NFATC2IP: variants seen among roughly 807,000 people sequenced by gnomAD.
NFATC2IP encodes the protein nuclear factor of activated T cells 2 interacting protein.
In NFATC2IP, 25 loss-of-function variants were observed where a neutral mutation model predicts 40.2. The ratio of observed to expected loss-of-function variants is 0.62; its 90% confidence interval spans 0.45 to 0.87. The LOEUF (loss-of-function observed/expected upper bound fraction) is 0.87. NFATC2IP is among the 40% of genes least tolerant of loss of function. The pLI is 0.00. For synonymous variants in NFATC2IP, 241 were observed against 236.3 expected, an observed-to-expected ratio of 1.02 and a Z score of -0.18; for missense variants, 553 against 555.6, an observed-to-expected ratio of 1.00 and a Z score of 0.05.
At chr16:28,959,272 C>T (rs571391083) in intron 7 of NFATC2IP, among the ~76,000 whole-genome samples, 172 bp downstream of exon 7, 6 of 152,298 alleles carry the variant, frequency 3.9e-5, no homozygotes, top group Admixed American at 1.3e-4. Context: ...CATCGTTCAA[C>T]TTCCCTCCCC....
chr16:28,953,913 G>T (rs1964991613), intron 2 of NFATC2IP, among the ~76,000 whole-genome samples: 1 of 140,928 alleles, frequency 7.1e-6, no homozygotes, highest in Non-Finnish European at 1.6e-5. Context: ...GTAGGACCTG[G>T]TCTCAAAAAA....
At chr16:28,959,195 T>C in intron 7 of NFATC2IP, 95 bp downstream of exon 7, 2 of 775,572 alleles carry the variant, frequency 2.6e-6, no homozygotes, top group South Asian at 3.2e-5. Context: ...TCCCCTAATC[T>C]TGACTTGCAG....
chr16:28,954,756 T>A (rs774856157), intron 3 of NFATC2IP, 74 bp downstream of exon 3: 1 of 850,322 alleles, frequency 1.2e-6, no homozygotes, highest in Non-Finnish European at 1.9e-6. Context: ...CAGGCAGGAC[T>A]CTTGGGTGAC....
rs761108195 is a variant in NFATC2IP, at chr16:28,964,681, T to C, written c.*818T>C. 2 of 152,360 alleles carry C rather than the reference T, an allele frequency of 1.3e-5. No individual in the cohort carries two copies. Among genetic ancestry groups the C allele is most frequent in the Non-Finnish European group, 2.9e-5 (2 of 68,048 alleles). 9.4% of individuals were successfully genotyped at this position (152,360 alleles called of 1,614,324 possible). On this transcript the variant is annotated 3_prime_UTR_variant, in exon 8 of 8. Transcript: ENST00000320805. ...TGTATTTGTAAAATACCACGTTTCATGTGTGAATATGTGCTTTTACTGTAC... is the reference window on the plus strand; with the variant it reads ...TGTATTTGTAAAATACCACGTTTCACGTGTGAATATGTGCTTTTACTGTAC...
rs1596728613 is a variant in NFATC2IP at position 28,956,033 on chromosome 16, C to T, written c.634C>T (p.His212Tyr). 1.2e-6 allele frequency: 2 copies of T among 1,614,170 alleles called. No individual in the cohort carries two copies. Among genetic ancestry groups the T allele is most frequent in the Non-Finnish European group, 1.7e-6 (2 of 1,180,026 alleles). Residue 212 changes from histidine to tyrosine, a missense_variant, in exon 4 of 8, where the codon CAT becomes TAT. His to Tyr is a moderately conservative substitution (Grantham distance 83). Transcript: ENST00000320805. ...PPSPRTKSRT[H>Y]TRALKKLSEV... ...TTCACCAAGGACCAAAAGCAGAACG[C>T]ATACTCGGGCACTCAAGAAGTTAAG...
intron 7 of NFATC2IP, among the ~76,000 whole-genome samples, chr16:28,959,563 G>C: frequency 6.8e-6 from 1 of 146,112 alleles, no homozygotes; most frequent in Non-Finnish European, 1.5e-5. Flanking sequence ...AAGCAACTTG[G>C]TGCAGTCATT....
chr16:28,951,294 G>T lies in NFATC2IP; in HGVS notation c.283G>T (p.Glu95Ter). ...TAACAGCAACAGTGACAGCGAAGGG[G>T]AGGACAGGCGGCCCGCAGGACCCCC... Reference protein sequence around the residue: ...RDNSNSDSEGEDRRPAGPPRE... With the variant: ...RDNSNSDSEG Residue 95 changes from glutamate to a stop codon, truncating the protein, a stop_gained, in exon 1 of 8, where the codon GAG becomes TAG. Transcript: ENST00000320805. LOFTEE classifies it high-confidence loss of function. The T allele has an allele frequency of 7.0e-7, 1 of 1,432,648 alleles. No individual in the cohort carries two copies. Among genetic ancestry groups the T allele is most frequent in the Admixed American group, 2.8e-5 (1 of 35,236 alleles). The allele number at this position is 1,432,648 out of a possible 1,614,324, so 88.7% of individuals were successfully genotyped here.
intron 5 of NFATC2IP, among the ~76,000 whole-genome samples, chr16:28,958,202 T>C (rs1319335955): frequency 2.0e-5 from 3 of 151,534 alleles, no homozygotes; most frequent in Non-Finnish European, 4.4e-5. Context: ...GTTATCCCTG[T>C]AGTTTGGGAG....
At position 28,951,084 on chromosome 16, in the gene NFATC2IP, T is replaced by C; in HGVS notation, c.73T>C (p.Trp25Arg). Residue 25 changes from tryptophan (W) to arginine (R), a missense_variant, in exon 1 of 8, where the codon TGG (tryptophan) becomes CGG (arginine). Trp to Arg is a moderately radical substitution (Grantham distance 101). Transcript: ENST00000320805. ...TGCCGGCCGAGGGGGTCGGGGCGGCTGGGGCGGTCGGGGCCGGCGTCCTCG... is the reference window on the plus strand; with the variant it reads ...TGCCGGCCGAGGGGGTCGGGGCGGCCGGGGCGGTCGGGGCCGGCGTCCTCG... ...SGAGRGGRGGWGGRGRRPRAQ... is the reference protein window; with the variant it reads ...SGAGRGGRGGRGGRGRRPRAQ... 1 of 1,540,732 alleles carries C rather than the reference T, an allele frequency of 6.5e-7. No individual in the cohort carries two copies. Among genetic ancestry groups the C allele is most frequent in the African/African-American group, 1.4e-5 (1 of 71,870 alleles).
intron 7 of NFATC2IP, among the ~76,000 whole-genome samples, chr16:28,963,373 A>G (rs1028426788): frequency 6.6e-6 from 1 of 152,104 alleles, no homozygotes; most frequent in African/African-American, 2.4e-5. Flanking sequence ...TCTCTTAGTC[A>G]TTGGTACACA....
At chr16:28,952,934 C>T (rs1964983400) in intron 2 of NFATC2IP, among the ~76,000 whole-genome samples, 1 of 151,766 alleles carries the variant, frequency 6.6e-6, no homozygotes, top group Non-Finnish European at 1.5e-5. Context: ...TGGGGTTTCA[C>T]CATGTTGGCC....
At chr16:28,958,650 G>A in intron 5 of NFATC2IP, 67 bp from the exon 6 acceptor site, 2 of 1,351,004 alleles carry the variant, frequency 1.5e-6, no homozygotes. Flanking sequence ...TTGTGTTTGG[G>A]TGGTGTGGCT....
chr16:28,951,030 A>G lies in NFATC2IP; in HGVS notation c.19A>G (p.Lys7Glu). The change falls in exon 1 of 8, where the codon AAG becomes GAG. Residue 7 changes from lysine to glutamate, a missense_variant. By Grantham distance (56) the Lys-to-Glu change is moderately conservative (BLOSUM62 1). Transcript: ENST00000320805. Reference sequence around the variant, plus strand: ...GTGTGCCATGGCGGAGCCTGTGGGGAAGCGGGGCCGCTGGTCCGGAGGTAG... The same window carrying G: ...GTGTGCCATGGCGGAGCCTGTGGGGGAGCGGGGCCGCTGGTCCGGAGGTAG... MAEPVG[K>E]RGRWSGGSGA... 2 of 1,525,648 alleles carry G rather than the reference A, an allele frequency of 1.3e-6. No individual in the cohort carries two copies. The highest frequency in any genetic ancestry group is 1.8e-6 in the Non-Finnish European group (2 of 1,138,910). 94.5% of individuals were successfully genotyped at this position (1,525,648 alleles called of 1,614,324 possible).
intron 7 of NFATC2IP, among the ~76,000 whole-genome samples, chr16:28,960,126 C>G (rs530002419): frequency 6.6e-6 from 1 of 152,082 alleles, no homozygotes; most frequent in African/African-American, 2.4e-5. Context: ...CTCCATGTGT[C>G]TCTGTCTGTG....
chr16:28,963,894 G>A lies in NFATC2IP; in HGVS notation c.*31G>A. 1 of 1,607,698 alleles carries A rather than the reference G, an allele frequency of 6.2e-7. No homozygotes were observed. The highest frequency in any genetic ancestry group is 8.5e-7 in the Non-Finnish European group (1 of 1,175,264). ...CACTCCCTGTTTGACGGCCCAGCCT[G>A]GACTTGGGGAGAATGACTTTCCCTT... On this transcript the variant is annotated 3_prime_UTR_variant, in exon 8 of 8. Transcript: ENST00000320805.
chr16:28,951,166 C>T lies in NFATC2IP; in HGVS notation c.155C>T (p.Thr52Ile), dbSNP rs1011683843. 1.6e-5 allele frequency: 25 copies of T among 1,543,930 alleles called. No individual in the cohort carries two copies. Among genetic ancestry groups the T allele is most frequent in the African/African-American group, 2.8e-5 (2 of 72,334 alleles). Residue 52 changes from threonine (T) to isoleucine (I), a missense_variant, in exon 1 of 8, where the codon ACC becomes ATC. Transcript: ENST00000320805. ...TLDVVSVDLVTDSDEEILEVA... is the reference protein window; with the variant it reads ...TLDVVSVDLVIDSDEEILEVA... ...GACGTAGTGTCTGTGGACTTGGTCA[C>T]CGACAGCGATGAGGAAATTCTGGAG...
At chr16:28,951,471 G>C in intron 1 of NFATC2IP, 73 bp downstream of exon 1, 1 of 1,335,348 alleles carries the variant, frequency 7.5e-7, no homozygotes, top group Non-Finnish European at 9.6e-7. Flanking sequence ...CCGGCGTTCG[G>C]GGAGGGTAGG....
At position 28,963,444 on chromosome 16, in the gene NFATC2IP, C is replaced by T. The variant is rs77754671; in HGVS notation, c.1102-261C>T. On this transcript the variant is annotated intron_variant, in intron 7 of 7. Coordinates refer to ENST00000320805, the MANE Select transcript of NFATC2IP (RefSeq NM_032815.4). ...GGACTTGCCTGACTTAGAGCCTATA[C>T]CCCTAAGCCTTGGGCTCGTGGCCCC... Among the ~76,000 whole-genome samples, 1,141 of 152,248 alleles carry T rather than the reference C, an allele frequency of 7.5e-3. 15 individuals are homozygous for T. Among genetic ancestry groups the T allele is most frequent in the African/African-American group, 0.026 (1,068 of 41,548 alleles).
At chr16:28,952,419 C>T in intron 2 of NFATC2IP, 1 of 686,406 alleles carries the variant, frequency 1.5e-6, no homozygotes, top group Non-Finnish European at 2.3e-6. Context: ...GATGCTGATT[C>T]TGTAGTCCTG....
Sources: allele counts gnomAD v4.1 joint callset (sites outside exome capture counted in the v4.1 genomes callset), GRCh38; gene constraint gnomAD v4.1.1; transcripts MANE v1.5; gene names NCBI Gene and HGNC (gene_info 2026-07-23, HGNC 2026-07-21).